Variants in ERC2 observed in about 807,000 individuals in gnomAD.
The protein encoded by ERC2 is ELKS/RAB6-interacting/CAST family member 2, also known as ERC protein 2.
A neutral mutation model predicts 114.8 loss-of-function variants in ERC2; 42 were observed. The ratio of observed to expected loss-of-function variants is 0.37; its 90% CI spans 0.29 to 0.47. The LOEUF is 0.47. Ranked by LOEUF, ERC2 falls within the 20% of genes least tolerant of loss-of-function variation. ERC2 has a pLI of 0.99. For synonymous variants in ERC2, 454 were observed against 425.5 expected (o/e 1.07, Z -0.82); for missense variants, 939 against 1,150.7 (o/e 0.82, Z 2.66).
chr3:56,456,944 T>C (rs1209323622), intron 1 of ERC2, among the ~76,000 whole-genome samples: 8 of 136,420 alleles, frequency 5.9e-5, no homozygotes, highest in Non-Finnish European at 1.3e-4. Flanking sequence ...TGTACAAAAG[T>C]GTAAATCATA....
chr3:55,525,890 A>G (rs2053280451), intron 17 of ERC2, among the ~76,000 whole-genome samples: 1 of 151,936 alleles, frequency 6.6e-6, no homozygotes, highest in Non-Finnish European at 1.5e-5. Context: ...TGTCAGTTGA[A>G]CTCTGTCCCC....
At chr3:56,299,433 ATTT>A (rs202209933) in intron 2 of ERC2, among the ~76,000 whole-genome samples, 4 of 120,822 alleles carry the variant, frequency 3.3e-5, no homozygotes, top group Non-Finnish European at 3.5e-5. Context: ...CAGCTAATAG[ATTT>A]TTTTTTTTTT....
chr3:56,311,052 A>G (rs1236493002), intron 2 of ERC2, among the ~76,000 whole-genome samples: 1 of 151,510 alleles, frequency 6.6e-6, no homozygotes, highest in Non-Finnish European at 1.5e-5. Context: ...GGCGCCCCCA[A>G]TGCAGGACAC....
At chr3:56,073,071 C>T (rs774907419) in intron 7 of ERC2, among the ~76,000 whole-genome samples, 12 of 152,142 alleles carry the variant, frequency 7.9e-5, no homozygotes, top group Non-Finnish European at 1.6e-4. Context: ...CTCATGTGCA[C>T]ACACACAAAC....
chr3:55,955,966 A>G (rs1015098027), intron 12 of ERC2, among the ~76,000 whole-genome samples: 1 of 152,222 alleles, frequency 6.6e-6, no homozygotes, highest in Non-Finnish European at 1.5e-5. Flanking sequence ...AAGGAAAACA[A>G]TAACTGTATC....
At chr3:55,741,261 T>C (rs1218366057) in intron 14 of ERC2, among the ~76,000 whole-genome samples, 1 of 152,150 alleles carries the variant, frequency 6.6e-6, no homozygotes, top group Non-Finnish European at 1.5e-5. Flanking sequence ...AAAATCACAT[T>C]GAAATAGATT....
chr3:56,250,279 A>G (rs989462605), intron 3 of ERC2, among the ~76,000 whole-genome samples: 3 of 152,272 alleles, frequency 2.0e-5, no homozygotes, highest in Non-Finnish European at 2.9e-5. Flanking sequence ...GCCATGCTGT[A>G]TATTATGGAG....
chr3:56,438,710 C>T (rs1267248052), intron 1 of ERC2, among the ~76,000 whole-genome samples: 1 of 152,162 alleles, frequency 6.6e-6, no homozygotes, highest in Non-Finnish European at 1.5e-5. Context: ...ACTTGTCTTC[C>T]TCTGTCTGCT....
chr3:56,210,220 G>T (rs943988654), intron 3 of ERC2, among the ~76,000 whole-genome samples: 2 of 152,172 alleles, frequency 1.3e-5, no homozygotes, highest in African/African-American at 4.8e-5. Flanking sequence ...TTGCTATGGA[G>T]ATGTGCATTT....
intron 17 of ERC2, among the ~76,000 whole-genome samples, chr3:55,554,420 A>G (rs1296381691): frequency 6.6e-6 from 1 of 152,128 alleles, no homozygotes; most frequent in Non-Finnish European, 1.5e-5. Context: ...CCGTCCTTCC[A>G]TTTTGTCTGT....
intron 2 of ERC2, among the ~76,000 whole-genome samples, chr3:56,338,392 G>GCCTTTCTGTACAGTA (rs2057946921): frequency 1.3e-5 from 2 of 152,212 alleles, no homozygotes; most frequent in African/African-American, 4.8e-5. Flanking sequence ...TGTGGTCTAT[G>GCCTTTCTGTACAGTA]CAGTTAGCTC....
intron 17 of ERC2, among the ~76,000 whole-genome samples, chr3:55,667,602 T>C (rs1031217226): frequency 6.6e-6 from 1 of 152,188 alleles, no homozygotes; most frequent in Admixed American, 6.5e-5. Context: ...AGCCCCACAG[T>C]CAGATGCTTA....
chr3:56,038,104 CT>C (rs1277749885), intron 7 of ERC2, among the ~76,000 whole-genome samples: 9 of 152,060 alleles, frequency 5.9e-5, no homozygotes, highest in African/African-American at 2.2e-4. Flanking sequence ...AACTAAAGAG[CT>C]TCTACACAGC....
At chr3:56,007,677 T>C (rs1489506959) in intron 9 of ERC2, among the ~76,000 whole-genome samples, 1 of 152,114 alleles carries the variant, frequency 6.6e-6, no homozygotes, top group Non-Finnish European at 1.5e-5. Context: ...TGTCAGACTA[T>C]GCAGACATTG....
intron 2 of ERC2, among the ~76,000 whole-genome samples, chr3:56,384,053 T>C (rs1359079491): frequency 6.6e-6 from 1 of 152,198 alleles, no homozygotes; most frequent in Admixed American, 6.6e-5. Flanking sequence ...AGACTTTATA[T>C]ATATAAACAC....
chr3:56,350,145 A>C (rs1374244952), intron 2 of ERC2, among the ~76,000 whole-genome samples: 2 of 152,160 alleles, frequency 1.3e-5, no homozygotes, highest in Non-Finnish European at 2.9e-5. Context: ...AATTTGGGGG[A>C]CAGGAGGTGG....
At chr3:56,008,735 T>C in intron 9 of ERC2, among the ~76,000 whole-genome samples, 1 of 152,188 alleles carries the variant, frequency 6.6e-6, no homozygotes, top group East Asian at 1.9e-4. Flanking sequence ...TAAAGGAGAT[T>C]ATTCTCAGTA....
At chr3:56,145,980 A>C (rs2081111502) in intron 5 of ERC2, among the ~76,000 whole-genome samples, 1 of 152,146 alleles carries the variant, frequency 6.6e-6, no homozygotes, top group Non-Finnish European at 1.5e-5. Flanking sequence ...ATGAGGAATC[A>C]CACTCATCAC....
At chr3:55,832,985 A>C (rs1212764297) in intron 14 of ERC2, among the ~76,000 whole-genome samples, 1 of 151,892 alleles carries the variant, frequency 6.6e-6, no homozygotes, top group African/African-American at 2.4e-5. Context: ...AGCCAATGCG[A>C]TCAACTGGAA....
Sources: allele counts gnomAD v4.1 joint callset (sites outside exome capture counted in the v4.1 genomes callset), GRCh38; gene constraint gnomAD v4.1.1; transcripts MANE v1.5; gene names NCBI Gene and HGNC (gene_info 2026-07-23, HGNC 2026-07-21).